The following COLEC10 variants were observed in gnomAD, a reference collection of about 807,000 sequenced individuals.
The protein encoded by COLEC10 is collectin subfamily member 10.
COLEC10 carries 22 observed loss-of-function variants against 28.4 expected under a neutral mutation model. The observed-to-expected ratio is 0.78, with a 90% confidence interval of 0.55 to 1.11. The LOEUF is 1.11. Ranked by LOEUF, COLEC10 falls within the 50% of genes least tolerant of loss-of-function variation. The probability of loss-of-function intolerance (pLI) is 0.00; values close to 1 mark genes in which losing one functional copy is unlikely to be tolerated. For missense variants in COLEC10, 361 were observed against 344.1 expected, an observed-to-expected ratio of 1.05 and a Z score of -0.39; for synonymous variants, 125 against 116.1, an observed-to-expected ratio of 1.08 and a Z score of -0.49.
Position 119,091,234 on chromosome 8 carries a change from T to A in COLEC10, c.292+14T>A, listed in dbSNP as rs762940466. The A allele has an allele frequency of 6.2e-7, 1 of 1,604,012 alleles. No homozygotes were observed. The highest frequency in any genetic ancestry group is 1.7e-5 in the Admixed American group (1 of 59,728). ...TTGGGAAGAAGGGTAAGTTGCATCT[T>A]ACTATTCTCCAGTAGCAATTCAAAG... On this transcript the variant is annotated intron_variant, in intron 3 of 5. Coordinates refer to ENST00000332843, the MANE Select transcript of COLEC10 (RefSeq NM_006438.5).
the COLEC10 span, among the ~76,000 whole-genome samples, chr8:118,966,679 T>G: frequency 8.9e-6 from 1 of 112,728 alleles, no homozygotes; most frequent in Non-Finnish European, 1.8e-5. Flanking sequence ...ATGTTCCATG[T>G]TTTTTTTTTT....
At chr8:118,985,463 G>A in the COLEC10 span, among the ~76,000 whole-genome samples, 2,485 of 152,088 alleles carry the variant, frequency 0.016, 65 homozygotes, top group African/African-American at 0.057. Flanking sequence ...TGAGCCTGGT[G>A]TAAATCTTAC....
At chr8:118,993,598 A>T (rs1245804014), upstream of COLEC10, among the ~76,000 whole-genome samples, 1 of 151,990 alleles carries the variant, frequency 6.6e-6, no homozygotes, top group Non-Finnish European at 1.5e-5. Context: ...AAGGTGAGCC[A>T]CCCGCCTTGG....
chr8:119,005,935 C>T (rs1046922489), intron 1 of COLEC10, among the ~76,000 whole-genome samples: 1 of 152,088 alleles, frequency 6.6e-6, no homozygotes, highest in Non-Finnish European at 1.5e-5. Flanking sequence ...CATATAACAG[C>T]TCTGTCCACT....
intron 2 of COLEC10, among the ~76,000 whole-genome samples, chr8:119,012,842 T>C (rs2130088423): frequency 6.6e-6 from 1 of 150,580 alleles, no homozygotes; most frequent in South Asian, 2.1e-4. Flanking sequence ...ATTAGTAATT[T>C]GTGTCCTTTC....
chr8:118,976,687 G>A, the COLEC10 span: 2 of 152,242 alleles, frequency 1.3e-5, no homozygotes, highest in Non-Finnish European at 2.9e-5. Flanking sequence ...ACATAGGCAT[G>A]GGCAAGGACT....
At chr8:119,038,404 T>C (rs552166047) in intron 2 of COLEC10, among the ~76,000 whole-genome samples, 1 of 152,212 alleles carries the variant, frequency 6.6e-6, no homozygotes, top group Non-Finnish European at 1.5e-5. Context: ...TGAATTTAAA[T>C]GAATGGTTTA....
At chr8:118,980,319 A>G in the COLEC10 span, among the ~76,000 whole-genome samples, 5 of 151,498 alleles carry the variant, frequency 3.3e-5, no homozygotes, top group Non-Finnish European at 7.4e-5. Flanking sequence ...CAGCTTCCCA[A>G]GTAGCGGGAA....
chr8:119,077,144 G>T (rs964411775), intron 1 of COLEC10, among the ~76,000 whole-genome samples: 4 of 151,788 alleles, frequency 2.6e-5, no homozygotes, highest in African/African-American at 9.7e-5. Flanking sequence ...AAAGGCAAGG[G>T]ATATGACCTG....
chr8:119,063,555 A>G (rs2130201380), upstream of COLEC10, among the ~76,000 whole-genome samples: 1 of 152,118 alleles, frequency 6.6e-6, no homozygotes, highest in African/African-American at 2.4e-5. Flanking sequence ...TGTCTCTTCT[A>G]AGGACACTTG....
Position 119,106,066 on chromosome 8 carries a change from G to C in COLEC10, c.709G>C (p.Gly237Arg). The stretch of plus-strand genomic sequence containing the variant: ...GCAGAACTATAGCAACTGGAATGAG[G>C]GGGAACCCAGCGACCCCTATGGTCA... ...PLQNYSNWNE[G>R]EPSDPYGHED... The change falls in exon 6 of 6, where the codon GGG becomes CGG. Residue 237 changes from glycine (G) to arginine (R), a missense_variant. Coordinates refer to ENST00000332843, the MANE Select transcript of COLEC10 (RefSeq NM_006438.5). The C allele has an allele frequency of 6.2e-7, 1 of 1,613,900 alleles. No individual in the cohort carries two copies. The highest frequency in any genetic ancestry group is 1.1e-5 in the South Asian group (1 of 91,076).
chr8:119,062,493 C>G (rs1056449250), upstream of COLEC10, among the ~76,000 whole-genome samples: 2 of 134,268 alleles, frequency 1.5e-5, no homozygotes, highest in Non-Finnish European at 3.2e-5. Context: ...TTTTTTTTTT[C>G]TTTTTAGACG....
intron 3 of COLEC10, among the ~76,000 whole-genome samples, 197 bp from the exon 4 acceptor site, chr8:119,102,151 G>A (rs1481067311): frequency 6.6e-6 from 1 of 151,976 alleles, no homozygotes; most frequent in African/African-American, 2.4e-5. Flanking sequence ...AGAGATACTA[G>A]CTGTAGATAT....
At chr8:119,007,171 G>A (rs1229990249) in intron 1 of COLEC10, among the ~76,000 whole-genome samples, 1 of 152,056 alleles carries the variant, frequency 6.6e-6, no homozygotes, top group Non-Finnish European at 1.5e-5. Flanking sequence ...GAAAAACTTT[G>A]TGTTAAGTCA....
At chr8:119,016,762 G>C (rs540766223) in intron 2 of COLEC10, among the ~76,000 whole-genome samples, 2 of 152,210 alleles carry the variant, frequency 1.3e-5, no homozygotes, top group South Asian at 4.1e-4. Context: ...CTGTCACCAG[G>C]CTGGAGTGCA....
the COLEC10 span, among the ~76,000 whole-genome samples, chr8:118,969,708 T>C: frequency 6.6e-6 from 1 of 151,112 alleles, no homozygotes; most frequent in Non-Finnish European, 1.5e-5. Context: ...TTTTTTTTTT[T>C]AAATTCAGCT....
intron 4 of COLEC10, 61 bp from the exon 5 acceptor site, chr8:119,103,739 G>A (rs192442373): frequency 2.1e-6 from 2 of 969,698 alleles, no homozygotes; most frequent in Admixed American, 1.8e-5. Flanking sequence ...GAGAGCAAAT[G>A]TTCCTTTCCA....
At chr8:118,971,539 G>C in the COLEC10 span, among the ~76,000 whole-genome samples, 1 of 151,986 alleles carries the variant, frequency 6.6e-6, no homozygotes, top group African/African-American at 2.4e-5. Flanking sequence ...GTTCTAGGAA[G>C]ACCTACCCTA....
At chr8:118,972,508 T>C in the COLEC10 span, among the ~76,000 whole-genome samples, 1 of 151,632 alleles carries the variant, frequency 6.6e-6, no homozygotes, top group Admixed American at 6.6e-5. Context: ...CTGATAGGAG[T>C]CTCAAACTTG....
Sources: allele counts gnomAD v4.1 joint callset (sites outside exome capture counted in the v4.1 genomes callset), GRCh38; gene constraint gnomAD v4.1.1; transcripts MANE v1.5; gene names NCBI Gene and HGNC (gene_info 2026-07-23, HGNC 2026-07-21).